DNAH3: variants seen among roughly 807,000 people sequenced by gnomAD.
DNAH3 encodes dynein axonemal heavy chain 3, also known as axonemal beta dynein heavy chain 3.
Under a neutral mutation model 432.5 loss-of-function variants are expected in DNAH3, and 332 were observed. The observed-to-expected ratio is 0.77, with a 90% CI of 0.70 to 0.84. The LOEUF is 0.84. Ranked by LOEUF, DNAH3 falls within the 40% of genes least tolerant of loss-of-function variation. The pLI is 0.00. For synonymous variants in DNAH3, 1,956 were observed against 1,900.2 expected (o/e 1.03, Z -0.76); for missense variants, 4,861 against 5,114.0 (o/e 0.95, Z 1.51).
At chr16:21,042,587 T>C (rs572183924) in intron 31 of DNAH3, among the ~76,000 whole-genome samples, 1 of 152,220 alleles carries the variant, frequency 6.6e-6, no homozygotes, top group Admixed American at 6.5e-5. Context: ...ACTTCTACTA[T>C]AGACTTTTAG....
intron 52 of DNAH3, among the ~76,000 whole-genome samples, chr16:20,969,439 T>C (rs2152634303): frequency 6.6e-6 from 1 of 152,278 alleles, no homozygotes; most frequent in South Asian, 2.1e-4. Context: ...TCTCTCTCTC[T>C]CTCTCTGTAG....
intron 28 of DNAH3, 27 bp from the exon 29 acceptor site, chr16:21,051,895 G>C: frequency 6.3e-7 from 1 of 1,598,760 alleles, no homozygotes. Context: ...GCAGAAACAC[G>C]CACACAGAGC....
intron 16 of DNAH3, 69 bp from the exon 17 acceptor site, chr16:21,098,838 C>A: frequency 6.6e-7 from 1 of 1,505,870 alleles, no homozygotes; most frequent in Admixed American, 2.1e-5. Flanking sequence ...ATCAGCACTG[C>A]TTGCCCATAT....
intron 1 of DNAH3, among the ~76,000 whole-genome samples, chr16:21,157,336 CTTTTTTTTT>C (rs34449371): frequency 8.9e-6 from 1 of 111,876 alleles, no homozygotes; most frequent in African/African-American, 3.6e-5. Flanking sequence ...GTGATTGCTT[CTTTTTTTTT>C]TTTTTTTTTT....
In DNAH3 at chr16:21,003,085, C is replaced by G; in HGVS notation, c.6126+19G>C. The G allele has an allele frequency of 6.7e-7, 1 of 1,494,200 alleles. No homozygotes were observed. The highest frequency in any genetic ancestry group is 9.3e-7 in the Non-Finnish European group (1 of 1,072,442). 92.6% of individuals were successfully genotyped at this position (1,494,200 alleles called of 1,614,324 possible). ...GATTCTGGAAACCAAAGTTCCATGG[C>G]CAATGATTCTCTTTATACCTTTGCA... On this transcript the variant is annotated intron_variant, in intron 42 of 61. Coordinates refer to ENST00000261383, the Ensembl canonical transcript of DNAH3.
intron 51 of DNAH3, among the ~76,000 whole-genome samples, chr16:20,973,262 T>C (rs1039809259): frequency 1.3e-4 from 20 of 152,088 alleles, no homozygotes; most frequent in Non-Finnish European, 2.4e-4. Context: ...TTCTTTTTTT[T>C]TTCTTTTTGA....
At chr16:21,106,230 C>A (rs561196965) in intron 15 of DNAH3, among the ~76,000 whole-genome samples, 2 of 150,654 alleles carry the variant, frequency 1.3e-5, no homozygotes, top group Admixed American at 1.3e-4. Context: ...ATCTATGTCT[C>A]CTTTGTGTCT....
intron 6 of DNAH3, among the ~76,000 whole-genome samples, chr16:21,135,014 G>A (rs1400219109): frequency 6.6e-6 from 1 of 152,086 alleles, no homozygotes; most frequent in African/African-American, 2.4e-5. Context: ...GAATATAAAT[G>A]AGCCTCTGTC....
intron 19 of DNAH3, among the ~76,000 whole-genome samples, chr16:21,083,509 AT>A (rs2152776158): frequency 6.6e-6 from 1 of 152,332 alleles, no homozygotes; most frequent in Non-Finnish European, 1.5e-5. Flanking sequence ...AGCCTTTTAG[AT>A]TTGTGGCTTC....
intron 52 of DNAH3, among the ~76,000 whole-genome samples, chr16:20,965,814 G>A (rs555453450): frequency 1.3e-5 from 2 of 152,162 alleles, no homozygotes; most frequent in East Asian, 1.9e-4. Context: ...CTGGGTTCAA[G>A]TGATCCTCCT....
At chr16:20,942,372 G>A (rs1214766041) in intron 58 of DNAH3, among the ~76,000 whole-genome samples, 1 of 152,208 alleles carries the variant, frequency 6.6e-6, no homozygotes, top group Non-Finnish European at 1.5e-5. Context: ...CGAGGCTCAA[G>A]GAGGAACAAG....
chr16:21,122,265 T>C (rs2092359295), intron 9 of DNAH3, 141 bp from the exon 11 acceptor site: 12 of 697,122 alleles, frequency 1.7e-5, no homozygotes, highest in Non-Finnish European at 2.8e-5. Context: ...ATTTAAAATA[T>C]GGGCTGGGGC....
intron 41 of DNAH3, among the ~76,000 whole-genome samples, chr16:21,004,434 C>T (rs1321757450): frequency 6.6e-6 from 1 of 151,968 alleles, no homozygotes; most frequent in South Asian, 2.1e-4. Context: ...GTGACATGAT[C>T]TCGGCTCACT....
At chr16:20,979,097 A>T (rs2085734771) in intron 50 of DNAH3, among the ~76,000 whole-genome samples, 1 of 152,190 alleles carries the variant, frequency 6.6e-6, no homozygotes, top group Non-Finnish European at 1.5e-5. Flanking sequence ...ATTGCAATAG[A>T]TTAAGAAATC....
rs938002458 is a variant in DNAH3, at chr16:21,006,686, T to TTG, written c.6023-3481_6023-3480dup. 4.6e-5 allele frequency among the ~76,000 whole-genome samples: 7 copies of TTG among 152,088 alleles called. No individual in the cohort carries two copies. In the East Asian group the frequency reaches 9.6e-4, roughly 21 times the overall value. ...TGGCTTCTTTCACTTAAAAAAGTGT[T>TTG]TGTGTGTGTGTGTCTATTTGAGACC... On this transcript the variant is annotated intron_variant, in intron 41 of 61. Transcript: ENST00000261383.
chr16:20,937,179 GGGGTT>G (rs2083621932), intron 59 of DNAH3, among the ~76,000 whole-genome samples: 6 of 151,748 alleles, frequency 4.0e-5, no homozygotes, highest in Admixed American at 3.9e-4. Flanking sequence ...TTTTAGAGAT[GGGGTT>G]TCACTCTGTC....
At chr16:20,967,492 CTTTTTTTTTTTT>C (rs756357963) in intron 52 of DNAH3, among the ~76,000 whole-genome samples, 8 of 52,806 alleles carry the variant, frequency 1.5e-4, no homozygotes, top group African/African-American at 5.7e-4. Flanking sequence ...CAGACTTCTG[CTTTTTTTTTTTT>C]TTTTTTTTTT....
At chr16:20,961,400 T>C (rs901220202) in intron 53 of DNAH3, among the ~76,000 whole-genome samples, 2 of 151,978 alleles carry the variant, frequency 1.3e-5, no homozygotes, top group Middle Eastern at 3.2e-3. Context: ...ATGTAAATGA[T>C]GAGTTAATGG....
intron 59 of DNAH3, 41 bp downstream of exon 59, chr16:20,941,360 C>A (rs769152402): frequency 8.1e-6 from 13 of 1,611,102 alleles, no homozygotes; most frequent in Non-Finnish European, 1.1e-5. Context: ...CTACTCCTCA[C>A]GTTCCAACTC....
Sources: gnomAD v4.1 joint callset for allele counts (sites outside exome capture counted in the v4.1 genomes callset) on GRCh38, gnomAD v4.1.1 for gene constraint, MANE v1.5 for transcripts, NCBI Gene and HGNC (gene_info 2026-07-23, HGNC 2026-07-21) for gene names.